EIF4G3: variants seen among roughly 807,000 people sequenced by gnomAD.
EIF4G3 encodes the protein eukaryotic translation initiation factor 4 gamma 3.
Under a neutral mutation model 186.4 loss-of-function variants are expected in EIF4G3, and 34 were observed. That is an observed-to-expected ratio of 0.18 (90% confidence interval 0.14 to 0.24). The LOEUF (loss-of-function observed/expected upper bound fraction) is 0.24, where lower values mean the gene tolerates loss of function less well. EIF4G3 is among the 10% of genes least tolerant of loss of function. The probability of loss-of-function intolerance (pLI) is 1.00; values close to 1 mark genes in which losing one functional copy is unlikely to be tolerated. For missense variants in EIF4G3, 1,536 were observed against 1,948.5 expected (o/e 0.79, Z 3.99); for synonymous variants, 673 against 679.5 (o/e 0.99, Z 0.15).
intron 7 of EIF4G3, among the ~76,000 whole-genome samples, chr1:20,983,372 C>CCAT (rs1354364850): frequency 6.6e-6 from 1 of 152,116 alleles, no homozygotes; most frequent in Non-Finnish European, 1.5e-5. Flanking sequence ...ACTACAGGAA[C>CCAT]CATCTTCTAG....
chr1:21,032,004 C>A (rs2154571948), intron 4 of EIF4G3, among the ~76,000 whole-genome samples: 1 of 152,274 alleles, frequency 6.6e-6, no homozygotes, highest in Middle Eastern at 3.4e-3. Context: ...CTAAAAGAAT[C>A]TTGCTATTTG....
intron 4 of EIF4G3, among the ~76,000 whole-genome samples, chr1:21,041,755 T>A (rs942447756): frequency 3.9e-5 from 6 of 152,272 alleles, no homozygotes; most frequent in African/African-American, 1.4e-4. Flanking sequence ...CAAACTACTT[T>A]ACAGAGAACA....
chr1:20,930,150 G>A (rs1299863393), intron 14 of EIF4G3, among the ~76,000 whole-genome samples: 2 of 152,206 alleles, frequency 1.3e-5, no homozygotes, highest in Non-Finnish European at 2.9e-5. Context: ...TCAGCAAGGT[G>A]TAATCTTTTT....
At chr1:20,989,045 G>A in intron 7 of EIF4G3, among the ~76,000 whole-genome samples, 2 of 63,590 alleles carry the variant, frequency 3.1e-5, no homozygotes, top group Non-Finnish European at 3.1e-5. Context: ...CCCAAAAAGA[G>A]AGGAGAGGAG....
intron 2 of EIF4G3, among the ~76,000 whole-genome samples, chr1:21,140,642 A>T (rs2097322078): frequency 6.6e-6 from 1 of 152,252 alleles, no homozygotes; most frequent in South Asian, 2.1e-4. Context: ...AGGTTATAAA[A>T]AGATAAAATT....
intron 13 of EIF4G3, among the ~76,000 whole-genome samples, chr1:20,948,702 A>C (rs981283934): frequency 1.3e-5 from 2 of 152,058 alleles, no homozygotes; most frequent in East Asian, 1.9e-4. Context: ...GCCATTCCTA[A>C]ATATTTTTTA....
At chr1:20,896,395 C>A (rs1572366232) in intron 16 of EIF4G3, among the ~76,000 whole-genome samples, 1 of 142,192 alleles carries the variant, frequency 7.0e-6, no homozygotes, top group African/African-American at 2.7e-5. Flanking sequence ...ATGATTGCAC[C>A]ACTGCACTCT....
intron 4 of EIF4G3, among the ~76,000 whole-genome samples, chr1:21,028,563 G>A (rs1048856567): frequency 6.6e-6 from 1 of 152,190 alleles, no homozygotes; most frequent in Non-Finnish European, 1.5e-5. Flanking sequence ...GGTTGGTTGT[G>A]TTATGATTAT....
At chr1:21,165,998 A>G (rs1456610744) in intron 2 of EIF4G3, among the ~76,000 whole-genome samples, 10 of 151,306 alleles carry the variant, frequency 6.6e-5, no homozygotes, top group African/African-American at 2.4e-4. Context: ...CCAAATCCTT[A>G]GAACACAGCA....
At chr1:21,143,335 GGAAGAAGGA>G (rs1380349725) in intron 2 of EIF4G3, among the ~76,000 whole-genome samples, 6 of 149,946 alleles carry the variant, frequency 4.0e-5, no homozygotes, top group Non-Finnish European at 8.9e-5. Flanking sequence ...GCAAAGGAAA[GGAAGAAGGA>G]GAAGAAGGAG....
chr1:21,064,176 G>A (rs987008138), intron 3 of EIF4G3, among the ~76,000 whole-genome samples: 2 of 152,004 alleles, frequency 1.3e-5, no homozygotes, highest in East Asian at 1.9e-4. Context: ...TGAGGATGGC[G>A]AGGTTCATGC....
chr1:21,150,049 C>A (rs1237675728), intron 2 of EIF4G3, among the ~76,000 whole-genome samples: 1 of 152,254 alleles, frequency 6.6e-6, no homozygotes, highest in Admixed American at 6.5e-5. Flanking sequence ...TATGGAAATT[C>A]TTCCACAAGA....
chr1:21,116,293 G>T (rs2096821885), intron 2 of EIF4G3, among the ~76,000 whole-genome samples: 1 of 152,048 alleles, frequency 6.6e-6, no homozygotes, highest in Non-Finnish European at 1.5e-5. Flanking sequence ...CCAAGCTTTA[G>T]TATCTAAAAA....
At chr1:20,909,778 A>ATTTTTTTTT (rs35293207) in intron 14 of EIF4G3, among the ~76,000 whole-genome samples, 1 of 129,366 alleles carries the variant, frequency 7.7e-6, no homozygotes. Context: ...CAATCTGCTA[A>ATTTTTTTTT]TTTTTTTTTT....
chr1:20,807,616 G>A (rs1450712768), intron 36 of EIF4G3, 116 bp from the exon 37 acceptor site: 2 of 910,576 alleles, frequency 2.2e-6, no homozygotes, highest in Non-Finnish European at 3.0e-6. Flanking sequence ...CCAGAAAAAA[G>A]CAATAATGAC....
At position 20,862,312 on chromosome 1, in the gene EIF4G3, A is replaced by C. The variant is rs780750227; in HGVS notation, c.3027T>G (p.Phe1009Leu). Reference sequence around the variant, plus strand: ...CTTTCACAATTTTCTCCATCTGATTAAAGTACTGGTCCATACGTGGCTGCA... The same window carrying C: ...CTTTCACAATTTTCTCCATCTGATTCAAGTACTGGTCCATACGTGGCTGCA... ...EKAKPRMDQY[F>L]NQMEKIVKER... The change falls in exon 23 of 37, where the codon TTT becomes TTG. Residue 1009 changes from phenylalanine to leucine, a missense_variant. Physicochemically the swap from Phe to Leu is conservative, Grantham distance 22. This residue lies in a region of EIF4G3 where 110 missense variants were observed against 166.2 expected (regional missense o/e 0.66). Coordinates refer to ENST00000602326, the MANE Select transcript of EIF4G3 (RefSeq NM_001391906.1). 9.3e-6 allele frequency: 15 copies of C among 1,611,614 alleles called. No homozygotes were observed. Among genetic ancestry groups the C allele is most frequent in the Non-Finnish European group, 1.0e-5 (12 of 1,178,402 alleles).
chr1:20,943,972 TTTTGTGTGTGTGTGTGTGTG>T (rs1268681540), intron 13 of EIF4G3, among the ~76,000 whole-genome samples: 3 of 44,842 alleles, frequency 6.7e-5, no homozygotes, highest in African/African-American at 2.2e-4. Flanking sequence ...TCTTTATTTT[TTTTGTGTGTGTGTGTGTGTG>T]TGTGTGTGTG....
At chr1:21,082,650 C>G (rs904884908) in intron 3 of EIF4G3, among the ~76,000 whole-genome samples, 1 of 151,934 alleles carries the variant, frequency 6.6e-6, no homozygotes, top group Non-Finnish European at 1.5e-5. Context: ...CACCATAATC[C>G]CAGCACTTTG....
At position 20,936,622 on chromosome 1, in the gene EIF4G3, A is replaced by T. The variant is rs114581057; in HGVS notation, c.1663+4869T>A. ...TAGAATAAATTTTATTATTTAAAAGATTAGTCATTTTTAGTTTAATCTAGG... is the reference window on the plus strand; with the variant it reads ...TAGAATAAATTTTATTATTTAAAAGTTTAGTCATTTTTAGTTTAATCTAGG... On this transcript the variant is annotated intron_variant, in intron 14 of 36. Transcript: ENST00000602326. Among the ~76,000 whole-genome samples the T allele has an allele frequency of 5.2e-3, 786 of 152,274 alleles. 7 individuals carry two copies. Among genetic ancestry groups the T allele is most frequent in the African/African-American group, 0.018 (755 of 41,574 alleles).
Sources: gnomAD v4.1 joint callset for allele counts (sites outside exome capture counted in the v4.1 genomes callset) on GRCh38, gnomAD v4.1.1 for gene constraint, gnomAD v4.1.1 regional missense constraint, MANE v1.5 for transcripts, NCBI Gene and HGNC (gene_info 2026-07-23, HGNC 2026-07-21) for gene names.